The following GAREM1 variants were observed in gnomAD, a reference collection of about 807,000 sequenced individuals.
GAREM1 encodes the protein GRB2-associated and regulator of MAPK protein 1.
In GAREM1, 26 loss-of-function variants were observed where a neutral mutation model predicts 71.3. That is an observed-to-expected ratio of 0.36 (90% confidence interval 0.27 to 0.51). GAREM1 has a LOEUF of 0.51. Ranked by LOEUF, GAREM1 falls within the 20% of genes least tolerant of loss-of-function variation. The pLI, the probability that GAREM1 is intolerant of heterozygous loss-of-function variation, is 0.95. For missense variants in GAREM1, 1,026 were observed against 1,103.1 expected, an observed-to-expected ratio of 0.93 and a Z score of 0.99; for synonymous variants, 440 against 433.2, an observed-to-expected ratio of 1.02 and a Z score of -0.20.
At chr18:32,387,717 T>G (rs1227946292) in intron 2 of GAREM1, among the ~76,000 whole-genome samples, 1 of 152,194 alleles carries the variant, frequency 6.6e-6, no homozygotes, top group African/African-American at 2.4e-5. Flanking sequence ...CTAGATAATT[T>G]CAGAATTCAG....
intron 4 of GAREM1, among the ~76,000 whole-genome samples, chr18:32,283,204 G>C (rs1037760022): frequency 6.6e-6 from 1 of 152,184 alleles, no homozygotes; most frequent in Non-Finnish European, 1.5e-5. Context: ...GGAAGAGAAC[G>C]GCCTCTCATA....
At chr18:32,361,579 C>T (rs1055789133) in intron 2 of GAREM1, among the ~76,000 whole-genome samples, 2 of 152,080 alleles carry the variant, frequency 1.3e-5, no homozygotes, top group African/African-American at 4.8e-5. Context: ...TAGTTTCAAA[C>T]AAAAGTGTTT....
intron 2 of GAREM1, among the ~76,000 whole-genome samples, chr18:32,378,345 C>G (rs1599003267): frequency 6.6e-6 from 1 of 151,888 alleles, no homozygotes; most frequent in Admixed American, 6.6e-5. Flanking sequence ...ATTAAAAATA[C>G]AAAAATTAAC....
At chr18:32,290,960 T>C (rs78649626) in intron 3 of GAREM1, among the ~76,000 whole-genome samples, 2,640 of 152,228 alleles carry the variant, frequency 0.017, 89 homozygotes, top group African/African-American at 0.059. Context: ...CATTTATCCC[T>C]CCATCCAGCA....
chr18:32,361,949 G>A (rs1488414175), intron 2 of GAREM1, among the ~76,000 whole-genome samples: 1 of 152,064 alleles, frequency 6.6e-6, no homozygotes, highest in Non-Finnish European at 1.5e-5. Flanking sequence ...TTAAGTGTAT[G>A]AATTACACTT....
chr18:32,266,533 C>A lies in GAREM1; in HGVS notation c.*1338G>T, dbSNP rs536298841. On this transcript the variant is annotated 3_prime_UTR_variant, in exon 6 of 6. Coordinates refer to ENST00000269209, the MANE Select transcript of GAREM1 (RefSeq NM_001242409.2). The stretch of plus-strand genomic sequence containing the variant: ...TCTCTAAAAAAGTCAAGAATAATGA[C>A]GCCATTATATTTTGGAATACTTAAT... 6.6e-6 allele frequency: 1 copy of A among 152,072 alleles called. No individual in the cohort carries two copies. 9.4% of individuals were successfully genotyped at this position (152,072 alleles called of 1,614,324 possible). A position where few individuals can be genotyped will look rare whatever the true frequency, so the allele number is the denominator to read the frequency against.
intron 1 of GAREM1, among the ~76,000 whole-genome samples, chr18:32,468,097 T>A (rs1173484363): frequency 6.6e-6 from 1 of 152,242 alleles, no homozygotes; most frequent in Non-Finnish European, 1.5e-5. Flanking sequence ...AAACGAGGAT[T>A]TCCTTTAGTC....
chr18:32,398,428 A>G (rs886188651), intron 1 of GAREM1, among the ~76,000 whole-genome samples: 7 of 152,318 alleles, frequency 4.6e-5, no homozygotes, highest in Admixed American at 2.0e-4. Flanking sequence ...AGCAAGACTA[A>G]TAAAGAAGAA....
chr18:32,426,893 T>C (rs1018005616), intron 1 of GAREM1, among the ~76,000 whole-genome samples: 13 of 152,210 alleles, frequency 8.5e-5, no homozygotes, highest in African/African-American at 3.1e-4. Flanking sequence ...TTCCTTTTCC[T>C]CTTACATAAT....
chr18:32,311,268 C>T (rs2047319526), intron 2 of GAREM1, among the ~76,000 whole-genome samples: 1 of 152,166 alleles, frequency 6.6e-6, no homozygotes, highest in South Asian at 2.1e-4. Flanking sequence ...TAATATAATA[C>T]TCCAGAAACT....
At chr18:32,322,461 AT>A (rs1482662026) in intron 2 of GAREM1, among the ~76,000 whole-genome samples, 1 of 152,098 alleles carries the variant, frequency 6.6e-6, no homozygotes, top group African/African-American at 2.4e-5. Context: ...TCCAAAATCA[AT>A]TCACTTATTA....
At chr18:32,416,139 A>C (rs1239795733) in intron 1 of GAREM1, among the ~76,000 whole-genome samples, 7 of 152,162 alleles carry the variant, frequency 4.6e-5, no homozygotes, top group African/African-American at 9.6e-5. Context: ...AAATAAAATT[A>C]AATACCTAGA....
At chr18:32,322,967 TAGG>T (rs2047444074) in intron 2 of GAREM1, among the ~76,000 whole-genome samples, 1 of 152,102 alleles carries the variant, frequency 6.6e-6, no homozygotes, top group Admixed American at 6.6e-5. Flanking sequence ...CTTTGAAGAG[TAGG>T]TGTTTAGAGC....
In GAREM1 at chr18:32,310,216, C is replaced by G; in HGVS notation, c.370G>C (p.Glu124Gln). The G allele has an allele frequency of 8.7e-6, 14 of 1,614,138 alleles. No individual in the cohort carries two copies. The highest frequency in any genetic ancestry group is 1.2e-5 in the Non-Finnish European group (14 of 1,180,002). Residue 124 changes from glutamate to glutamine, a missense_variant, in exon 3 of 6, where the codon GAG becomes CAG. By Grantham distance (29) the Glu-to-Gln change is conservative (BLOSUM62 2). This residue lies in a region of GAREM1 where 172 missense variants were observed against 175.2 expected (regional missense o/e 0.98). Transcript: ENST00000269209. Reference protein sequence around the residue: ...KAFPERVYVMEDITFNVKVAS... With the variant: ...KAFPERVYVMQDITFNVKVAS... ...ACCTTCACGTTGAATGTGATATCCT[C>G]CATGACGTACACGCGTTCAGGAAAT...
chr18:32,412,307 G>A lies in GAREM1; in HGVS notation c.122-19272C>T, dbSNP rs553498651. 2.7e-4 allele frequency: 429 copies of A among 1,591,862 alleles called. 1 individual carries two copies. The African/African-American group carries it at 5.1e-3, about 19-fold the overall frequency. ...GTTTTGCAAAGTACTGGCCTCCACC[G>A]CCATAGGGGCCAGAGTTTCTGCCTC... is the stretch of plus-strand genomic sequence containing the variant. On this transcript the variant is annotated intron_variant, in intron 1 of 5. Coordinates refer to ENST00000269209, the MANE Select transcript of GAREM1 (RefSeq NM_001242409.2).
At chr18:32,366,426 T>A (rs1200537879) in intron 2 of GAREM1, among the ~76,000 whole-genome samples, 1 of 152,116 alleles carries the variant, frequency 6.6e-6, no homozygotes, top group East Asian at 1.9e-4. Context: ...AATGAATTCA[T>A]AAATAAAATT....
At chr18:32,353,245 A>G (rs2047770188) in intron 2 of GAREM1, among the ~76,000 whole-genome samples, 1 of 152,216 alleles carries the variant, frequency 6.6e-6, no homozygotes, top group Admixed American at 6.5e-5. Flanking sequence ...TTTTCAACAA[A>G]TATCTTTTGA....
chr18:32,289,652 T>C (rs1168476053), intron 3 of GAREM1, among the ~76,000 whole-genome samples: 2 of 152,212 alleles, frequency 1.3e-5, no homozygotes, highest in African/African-American at 4.8e-5. Context: ...TGAGATGATA[T>C]AGATTCATGA....
At position 32,270,359 on chromosome 18, in the gene GAREM1, T is replaced by A. The variant is rs1433538229; in HGVS notation, c.1591A>T (p.Asn531Tyr). Residue 531 changes from asparagine (N) to tyrosine (Y), a missense_variant, in exon 5 of 6, where the codon AAC (asparagine) becomes TAC (tyrosine). Physicochemically the swap from Asn to Tyr is moderately radical, Grantham distance 143. Transcript: ENST00000269209. ...CTTCGGGGTGGAACAGGTGGGGCGT[T>A]CAGGAGCCGGCATTCTTCTCTGACC... is the stretch of plus-strand genomic sequence containing the variant. ...EAVREECRLL[N>Y]APPVPPRSAK... 1 of 1,613,210 alleles carries A rather than the reference T, an allele frequency of 6.2e-7. No homozygotes were observed. The highest frequency in any genetic ancestry group is 1.3e-5 in the African/African-American group (1 of 74,982).
Sources: gnomAD v4.1 joint callset for allele counts (sites outside exome capture counted in the v4.1 genomes callset) on GRCh38, gnomAD v4.1.1 for gene constraint, gnomAD v4.1.1 regional missense constraint, MANE v1.5 for transcripts, NCBI Gene and HGNC (gene_info 2026-07-23, HGNC 2026-07-21) for gene names.